HS6ST2: variants seen among roughly 807,000 people sequenced by gnomAD.
HS6ST2 encodes heparan sulfate 6-O-sulfotransferase 2.
HS6ST2 carries 17 observed loss-of-function variants against 33.0 expected under a neutral mutation model. The ratio of observed to expected loss-of-function variants is 0.52; its 90% CI spans 0.35 to 0.77. The LOEUF (loss-of-function observed/expected upper bound fraction) is 0.77, where lower values mean the gene tolerates loss of function less well. HS6ST2 is among the 30% of genes least tolerant of loss of function. HS6ST2 has a pLI of 0.01. For missense variants in HS6ST2, 519 were observed against 551.7 expected (o/e 0.94, Z 0.59); for synonymous variants, 248 against 237.1 (o/e 1.05, Z -0.42).
chrX:132,650,054 G>GAGAGGAGTAAAGATATAA (rs1200933033), intron 4 of HS6ST2, among the ~76,000 whole-genome samples: 2 of 111,606 alleles, frequency 1.8e-5, no homozygotes, highest in African/African-American at 6.5e-5. Context: ...TCCATGGGAA[G>GAGAGGAGTAAAGATATAA]AGAGGAGTAA....
intron 3 of HS6ST2, among the ~76,000 whole-genome samples, chrX:132,689,941 C>G (rs1201760070): frequency 1.8e-5 from 2 of 110,656 alleles, no homozygotes; most frequent in East Asian, 5.7e-4. Flanking sequence ...TTATGTGTAG[C>G]CCAAGACAAT....
At chrX:132,822,017 CT>C (rs34335021) in intron 2 of HS6ST2, among the ~76,000 whole-genome samples, 42,014 of 109,758 alleles carry the variant, frequency 0.38, 6,694 homozygotes, top group African/African-American at 0.57. Flanking sequence ...AAAGCACTTG[CT>C]TATGTGCCAA....
At chrX:132,644,220 G>C (rs2063624339) in intron 4 of HS6ST2, among the ~76,000 whole-genome samples, 1 of 108,217 alleles carries the variant, frequency 9.2e-6, no homozygotes, top group Admixed American at 1.0e-4. Context: ...AGAAAGGGGG[G>C]AGGGAGGGAA....
chrX:132,737,029 T>A (rs1232071910), intron 2 of HS6ST2, among the ~76,000 whole-genome samples: 4 of 111,987 alleles, frequency 3.6e-5, no homozygotes. Context: ...CAAACCTGAA[T>A]TCACAGAATG....
At chrX:132,709,812 A>ACACACAC (rs2064215863) in intron 2 of HS6ST2, among the ~76,000 whole-genome samples, 8 of 92,214 alleles carry the variant, frequency 8.7e-5, no homozygotes, top group African/African-American at 2.0e-4. Flanking sequence ...GAAAAGACAA[A>ACACACAC]ACACACACAC....
At chrX:132,685,981 C>G (rs907592281) in intron 3 of HS6ST2, among the ~76,000 whole-genome samples, 3 of 111,806 alleles carry the variant, frequency 2.7e-5, no homozygotes, top group Non-Finnish European at 5.6e-5. Context: ...CATCATTTTC[C>G]CTTTGATTAG....
At chrX:132,689,314 C>G (rs919382160) in intron 3 of HS6ST2, among the ~76,000 whole-genome samples, 1 of 111,969 alleles carries the variant, frequency 8.9e-6, no homozygotes. Context: ...CACAATCTGC[C>G]TGATAGGAAG....
intron 2 of HS6ST2, among the ~76,000 whole-genome samples, chrX:132,952,685 C>T (rs946655510): frequency 9.0e-6 from 1 of 111,154 alleles, no homozygotes; most frequent in African/African-American, 3.3e-5. Context: ...CTTTTTAGTC[C>T]TTTCCCATCA....
chrX:132,803,706 G>A (rs2065256594), intron 2 of HS6ST2, among the ~76,000 whole-genome samples: 1 of 112,065 alleles, frequency 8.9e-6, no homozygotes, highest in Middle Eastern at 4.6e-3. Context: ...ACAGTGCCAG[G>A]TCCTCAGATG....
intron 2 of HS6ST2, among the ~76,000 whole-genome samples, chrX:132,781,050 G>A (rs765265519): frequency 8.9e-6 from 1 of 112,206 alleles, no homozygotes; most frequent in East Asian, 2.8e-4. Context: ...AAACACTCTG[G>A]ATTGACATGT....
At chrX:132,764,141 G>A (rs2064825056) in intron 2 of HS6ST2, among the ~76,000 whole-genome samples, 1 of 112,046 alleles carries the variant, frequency 8.9e-6, no homozygotes, top group African/African-American at 3.2e-5. Context: ...AAGGAGTGGT[G>A]CATTTCTATT....
intron 2 of HS6ST2, among the ~76,000 whole-genome samples, chrX:132,899,034 A>T (rs1200450149): frequency 8.9e-6 from 1 of 111,760 alleles, no homozygotes; most frequent in Non-Finnish European, 1.9e-5. Context: ...TAGAGCCCTG[A>T]AAAGTGTATT....
At chrX:132,812,129 G>A (rs985047707) in intron 2 of HS6ST2, among the ~76,000 whole-genome samples, 1 of 109,370 alleles carries the variant, frequency 9.1e-6, no homozygotes, top group Admixed American at 1.0e-4. Flanking sequence ...CATCCTGGCC[G>A]GGCGCGGTGG....
rs1161943638 is a variant in HS6ST2, at chrX:132,716,352, G to T, written c.948-7858C>A. On this transcript the variant is annotated intron_variant, in intron 2 of 4. Transcript: ENST00000370833. The stretch of plus-strand genomic sequence containing the variant: ...ACCACAGCACCTATTTGACAATTTA[G>T]TCTTTCAGAAAGCAGTGAAAAGGAT... Among the ~76,000 whole-genome samples the T allele has an allele frequency of 2.7e-5, 3 of 112,169 alleles. No individual in the cohort carries two copies. The East Asian group carries it at 8.4e-4, about 31-fold the overall frequency.
At chrX:132,668,980 C>T (rs762590518) in intron 4 of HS6ST2, 133 bp downstream of exon 4, 355 of 446,474 alleles carry the variant, frequency 8.0e-4, no homozygotes, top group East Asian at 4.7e-4. Flanking sequence ...TCCCCAGTGA[C>T]GAGCCCAGTG....
At chrX:132,708,233 C>T (rs1481130698) in intron 3 of HS6ST2, among the ~76,000 whole-genome samples, 1 of 102,959 alleles carries the variant, frequency 9.7e-6, no homozygotes, top group Non-Finnish European at 2.0e-5. Flanking sequence ...CATTCATCCC[C>T]CTTCTGAACT....
intron 2 of HS6ST2, among the ~76,000 whole-genome samples, chrX:132,847,119 A>G (rs762166417): frequency 1.8e-5 from 2 of 111,567 alleles, no homozygotes; most frequent in East Asian, 2.8e-4. Flanking sequence ...ATGATTTCTA[A>G]CCAGATGAAA....
At chrX:132,837,979 T>C (rs992599944) in intron 2 of HS6ST2, among the ~76,000 whole-genome samples, 4 of 112,586 alleles carry the variant, frequency 3.6e-5, no homozygotes, top group Non-Finnish European at 7.5e-5. Context: ...GGTTTCTTTA[T>C]GGCACAGGCA....
chrX:132,948,601 G>A (rs952221720), intron 2 of HS6ST2, among the ~76,000 whole-genome samples: 2 of 112,210 alleles, frequency 1.8e-5, no homozygotes, highest in Admixed American at 9.5e-5. Flanking sequence ...CAAAATGGCA[G>A]AAATAACAAA....
Sources: allele counts gnomAD v4.1 joint callset (sites outside exome capture counted in the v4.1 genomes callset), GRCh38; gene constraint gnomAD v4.1.1; transcripts MANE v1.5; gene names NCBI Gene and HGNC (gene_info 2026-07-23, HGNC 2026-07-21).